Variants in GLI2 observed in about 807,000 individuals in gnomAD.
GLI2 encodes the protein GLI family zinc finger 2, also known as transcription activator GLI2.
A neutral mutation model predicts 78.9 loss-of-function variants in GLI2; 22 were observed. The ratio of observed to expected loss-of-function variants is 0.28; its 90% CI spans 0.20 to 0.40. GLI2 has a LOEUF of 0.40. Ranked by LOEUF, GLI2 falls within the 10% of genes least tolerant of loss-of-function variation. The pLI is 1.00. For missense variants in GLI2, 2,097 were observed against 2,213.2 expected (o/e 0.95, Z 1.05); for synonymous variants, 974 against 963.7 (o/e 1.01, Z -0.20).
chr2:120,937,416 TTGC>T (rs1459531956), intron 3 of GLI2, among the ~76,000 whole-genome samples: 1 of 152,148 alleles, frequency 6.6e-6, no homozygotes, highest in East Asian at 1.9e-4. Context: ...AGGCACAGTC[TTGC>T]TGCCCACATA....
chr2:120,743,370 G>A (rs767584661), intron 1 of GLI2, among the ~76,000 whole-genome samples: 22 of 152,288 alleles, frequency 1.4e-4, no homozygotes, highest in East Asian at 3.9e-4. Context: ...TGGGGAGGCT[G>A]AGGTGGGAGG....
chr2:120,816,425 C>T (rs182362111), intron 2 of GLI2, among the ~76,000 whole-genome samples: 1 of 152,018 alleles, frequency 6.6e-6, no homozygotes, highest in African/African-American at 2.4e-5. Context: ...AAACTCCTGA[C>T]CTCAAGTGAT....
At chr2:120,809,557 A>G (rs1253922716) in intron 2 of GLI2, among the ~76,000 whole-genome samples, 1 of 151,920 alleles carries the variant, frequency 6.6e-6, no homozygotes, top group African/African-American at 2.4e-5. Flanking sequence ...GAGGGAGGAG[A>G]AAGAAAGGAT....
intron 6 of GLI2, among the ~76,000 whole-genome samples, chr2:120,969,712 C>T (rs1682040282): frequency 6.6e-6 from 1 of 152,224 alleles, no homozygotes; most frequent in Admixed American, 6.5e-5. Context: ...GGCCAGAATG[C>T]CCCCTCACAG....
intron 2 of GLI2, among the ~76,000 whole-genome samples, chr2:120,884,177 C>G (rs1473312244): frequency 6.6e-6 from 1 of 152,288 alleles, no homozygotes; most frequent in East Asian, 1.9e-4. Context: ...GAGCGCCCAT[C>G]CTTGGGGAGC....
At chr2:120,903,560 G>A (rs1477812104) in intron 2 of GLI2, among the ~76,000 whole-genome samples, 4 of 152,216 alleles carry the variant, frequency 2.6e-5, no homozygotes, top group Non-Finnish European at 5.9e-5. Flanking sequence ...CATAACCACA[G>A]GCAGGTTGGC....
intron 1 of GLI2, among the ~76,000 whole-genome samples, chr2:120,774,867 C>G (rs1486100212): frequency 1.3e-5 from 2 of 152,224 alleles, no homozygotes; most frequent in Non-Finnish European, 2.9e-5. Flanking sequence ...GGGTGACACA[C>G]TGTCAGCTGT....
chr2:120,838,160 T>C (rs1173900468), intron 2 of GLI2, among the ~76,000 whole-genome samples: 1 of 152,240 alleles, frequency 6.6e-6, no homozygotes, highest in Non-Finnish European at 1.5e-5. Flanking sequence ...TCTTTTTGTT[T>C]TATCATTTGT....
rs139473153 is a variant in GLI2 at position 120,951,303 on chromosome 2, G to A, written c.315G>A (p.Pro105=). 1.4e-4 allele frequency: 226 copies of A among 1,610,548 alleles called. No homozygotes were observed. Among genetic ancestry groups the A allele is most frequent in the Admixed American group, 8.2e-4 (49 of 60,026 alleles). Residue 105 remains proline (P), a synonymous_variant, in exon 4 of 14, where the codon CCG becomes CCA. Transcript: ENST00000361492. ...ISDISLIRLS[P]HPAGPGESPF... ...ACATCTCCTTGATCCGGCTTTCCCC[G>A]CACCCGGCTGGCCCTGGGGAGTCCC...
chr2:120,783,420 T>C (rs1233614448), intron 1 of GLI2, among the ~76,000 whole-genome samples: 3 of 151,988 alleles, frequency 2.0e-5, no homozygotes, highest in Non-Finnish European at 2.9e-5. Context: ...GAGACCATGA[T>C]TGGATTTGCA....
chr2:120,831,164 G>T (rs1270096587), intron 2 of GLI2, among the ~76,000 whole-genome samples: 1 of 151,182 alleles, frequency 6.6e-6, no homozygotes, highest in African/African-American at 2.4e-5. Context: ...CCCTTTCCTT[G>T]TCTGTCTCTG....
intron 11 of GLI2, among the ~76,000 whole-genome samples, chr2:120,983,717 T>C (rs1314869052): frequency 6.6e-6 from 1 of 152,148 alleles, no homozygotes; most frequent in Admixed American, 6.5e-5. Context: ...AGCCACACAA[T>C]TACTGTCGCT....
chr2:120,765,860 A>G (rs1383776386), intron 1 of GLI2, among the ~76,000 whole-genome samples: 1 of 152,226 alleles, frequency 6.6e-6, no homozygotes, highest in East Asian at 1.9e-4. Context: ...GGCACGCGCT[A>G]AGGCGGCTGC....
At position 120,886,183 on chromosome 2, in the gene GLI2, TGTGTGTGTGTGTGTGTGTGTGTGTGTGC is replaced by T. The variant is rs1302880208; in HGVS notation, c.149-41173_149-41146del. On this transcript the variant is annotated intron_variant, in intron 2 of 13. Transcript: ENST00000361492. ...AAGTGTGTGTGTGTGTGTGTGTGTG[TGTGTGTGTGTGTGTGTGTGTGTGTGTGC>T]GTGTATATTTTGGTTTTGGGTTTTT... is the stretch of plus-strand genomic sequence containing the variant. Among the ~76,000 whole-genome samples the T allele has an allele frequency of 8.4e-3, 720 of 86,200 alleles. 18 individuals are homozygous for T. The highest frequency in any genetic ancestry group is 0.062 in the African/African-American group (682 of 10,966). 56.6% of individuals were successfully genotyped at this position (86,200 alleles called of 152,430 possible).
chr2:120,919,308 G>A (rs1484921745), intron 2 of GLI2, among the ~76,000 whole-genome samples: 1 of 152,256 alleles, frequency 6.6e-6, no homozygotes, highest in Non-Finnish European at 1.5e-5. Flanking sequence ...AAAATTGGAT[G>A]TCAAAAAGCC....
chr2:120,776,605 A>C (rs902907726), intron 1 of GLI2, among the ~76,000 whole-genome samples: 1 of 152,050 alleles, frequency 6.6e-6, no homozygotes, highest in Non-Finnish European at 1.5e-5. Flanking sequence ...GGGTCATCCC[A>C]GTAAGAGGGT....
intron 2 of GLI2, among the ~76,000 whole-genome samples, chr2:120,900,227 CTCTT>C (rs1345669307): frequency 1.3e-5 from 2 of 152,322 alleles, no homozygotes; most frequent in African/African-American, 4.8e-5. Context: ...TCCCTTCCGG[CTCTT>C]TCTTGTTCCT....
chr2:120,834,462 C>T (rs1686513846), intron 2 of GLI2, among the ~76,000 whole-genome samples: 1 of 152,072 alleles, frequency 6.6e-6, no homozygotes, highest in Admixed American at 6.6e-5. Context: ...GAGTGTAGAG[C>T]CAGGTAGGGG....
Position 120,854,937 on chromosome 2 carries a change from G to A in GLI2, c.148+57469G>A, listed in dbSNP as rs1242399692. Among the ~76,000 whole-genome samples the A allele has an allele frequency of 2.0e-5, 3 of 152,212 alleles. No individual in the cohort carries two copies. In the East Asian group the frequency reaches 5.8e-4, roughly 29 times the overall value. Reference sequence around the variant, plus strand: ...GGTTCAGCCCAGGGCTGGGCACTCTGGCCTGTCCAGGGCCAGCATGGGGCA... The same window carrying A: ...GGTTCAGCCCAGGGCTGGGCACTCTAGCCTGTCCAGGGCCAGCATGGGGCA... On this transcript the variant is annotated intron_variant, in intron 2 of 13. Transcript: ENST00000361492.
Sources: allele counts gnomAD v4.1 joint callset (sites outside exome capture counted in the v4.1 genomes callset), GRCh38; gene constraint gnomAD v4.1.1; transcripts MANE v1.5; gene names NCBI Gene and HGNC (gene_info 2026-07-23, HGNC 2026-07-21).